TCF12: variants seen among roughly 807,000 people sequenced by gnomAD.
The protein encoded by TCF12 is DNA-binding protein HTF4.
A neutral mutation model predicts 86.0 loss-of-function variants in TCF12; 45 were observed. The observed-to-expected ratio is 0.52, with a 90% confidence interval of 0.41 to 0.67. The LOEUF (loss-of-function observed/expected upper bound fraction) is 0.67, where lower values mean the gene tolerates loss of function less well. Ranked by LOEUF, TCF12 falls within the 30% of genes least tolerant of loss-of-function variation. TCF12 has a pLI of 0.00. For synonymous variants in TCF12, 330 were observed against 299.6 expected (o/e 1.10, Z -1.05); for missense variants, 881 against 859.9 (o/e 1.02, Z -0.31).
chr15:57,012,997 G>T lies in TCF12; in HGVS notation c.149-50753G>T, dbSNP rs563562730. ...AAGTCTCTAAGAGTTAGTACTTTTAGAAATTGTTTTGGGATCATTATATGT... is the reference window on the plus strand; with the variant it reads ...AAGTCTCTAAGAGTTAGTACTTTTATAAATTGTTTTGGGATCATTATATGT... On this transcript the variant is annotated intron_variant, in intron 3 of 20. Transcript: ENST00000333725. Among the ~76,000 whole-genome samples the T allele has an allele frequency of 7.2e-5, 11 of 151,932 alleles. No individual in the cohort carries two copies. The South Asian group carries it at 2.1e-3, about 29-fold the overall frequency.
At chr15:56,961,154 T>G (rs1428816074) in intron 3 of TCF12, among the ~76,000 whole-genome samples, 11 of 151,470 alleles carry the variant, frequency 7.3e-5, no homozygotes, top group Non-Finnish European at 1.5e-4. Context: ...AATCAGTTCA[T>G]TAAATAAGTA....
At position 57,286,793 on chromosome 15, in the gene TCF12, TTTTGA is replaced by T. The variant is rs1445833594; in HGVS notation, c.*652_*656del. ...GTATAGCATTTCTCTTGCTCTCATT[TTTTGA>T]TTTATTTTTATTTTCTCTTTGTGGG... On this transcript the variant is annotated 3_prime_UTR_variant, in exon 21 of 21. Coordinates refer to ENST00000333725, the MANE Select transcript of TCF12 (RefSeq NM_207037.2). The T allele has an allele frequency of 2.6e-6, 1 of 380,898 alleles. No homozygotes were observed. Among genetic ancestry groups the T allele is most frequent in the Non-Finnish European group, 5.1e-6 (1 of 194,898 alleles). 23.6% of individuals were successfully genotyped at this position (380,898 alleles called of 1,614,324 possible).
chr15:57,085,057 C>G (rs2048537030), intron 4 of TCF12, among the ~76,000 whole-genome samples: 1 of 152,018 alleles, frequency 6.6e-6, no homozygotes, highest in Non-Finnish European at 1.5e-5. Context: ...TTTGATTCTC[C>G]TCTTCCTCCT....
At chr15:57,060,367 CTTAA>C (rs1210160222) in intron 3 of TCF12, among the ~76,000 whole-genome samples, 1 of 152,116 alleles carries the variant, frequency 6.6e-6, no homozygotes, top group Non-Finnish European at 1.5e-5. Context: ...TTACATTTGA[CTTAA>C]TTGATTCCAT....
chr15:57,279,964 G>C (rs2061609087), intron 19 of TCF12, among the ~76,000 whole-genome samples: 2 of 144,394 alleles, frequency 1.4e-5, no homozygotes, highest in Non-Finnish European at 3.0e-5. Flanking sequence ...CGCGATTTCG[G>C]CTCACTGCAG....
At chr15:56,920,192 G>C (rs2140159537) in intron 2 of TCF12, among the ~76,000 whole-genome samples, 3 of 152,230 alleles carry the variant, frequency 2.0e-5, no homozygotes, top group Middle Eastern at 6.8e-3. Context: ...GTAATGTCTA[G>C]ACTTGCACAT....
At chr15:56,952,737 C>G (rs1436362260) in intron 3 of TCF12, among the ~76,000 whole-genome samples, 1 of 152,128 alleles carries the variant, frequency 6.6e-6, no homozygotes, top group Admixed American at 6.5e-5. Flanking sequence ...GCAGACTAAA[C>G]TCACTAATTC....
At chr15:57,169,683 A>C (rs2055167847) in intron 6 of TCF12, among the ~76,000 whole-genome samples, 1 of 148,858 alleles carries the variant, frequency 6.7e-6, no homozygotes, top group African/African-American at 2.6e-5. Flanking sequence ...ATTACTGCTA[A>C]ACTTGAGGGG....
intron 13 of TCF12, among the ~76,000 whole-genome samples, chr15:57,248,747 A>G (rs1257177008): frequency 6.6e-6 from 1 of 152,202 alleles, no homozygotes; most frequent in Non-Finnish European, 1.5e-5. Flanking sequence ...AAGTGTATGT[A>G]TATTTTTTTC....
Position 57,096,157 on chromosome 15 carries a change from A to G in TCF12, c.325+4266A>G, listed in dbSNP as rs148349515. Reference sequence around the variant, plus strand: ...ACTGATCTTGATGGATGACCGTGGAAAAACGGTTCCACAGTGAAATAACTT... The same window carrying G: ...ACTGATCTTGATGGATGACCGTGGAGAAACGGTTCCACAGTGAAATAACTT... On this transcript the variant is annotated intron_variant, in intron 5 of 20. Coordinates refer to ENST00000333725, the MANE Select transcript of TCF12 (RefSeq NM_207037.2). Among the ~76,000 whole-genome samples the G allele has an allele frequency of 1.3e-3, 192 of 152,314 alleles. 1 individual carries two copies. The highest frequency in any genetic ancestry group is 4.1e-3 in the African/African-American group (172 of 41,576).
intron 3 of TCF12, among the ~76,000 whole-genome samples, chr15:56,984,250 GT>G (rs1222258498): frequency 9.3e-3 from 6 of 642 alleles, no homozygotes; most frequent in Admixed American, 0.058. Context: ...CATGTGCATG[GT>G]GTGTGTGTGT....
chr15:57,010,558 T>G (rs2064765384), intron 3 of TCF12, among the ~76,000 whole-genome samples: 1 of 152,188 alleles, frequency 6.6e-6, no homozygotes, highest in Admixed American at 6.5e-5. Context: ...ATTTTTTGAC[T>G]CTTAGGTGGT....
chr15:57,062,392 T>G (rs1180667161), intron 3 of TCF12, among the ~76,000 whole-genome samples: 2 of 152,114 alleles, frequency 1.3e-5, no homozygotes. Flanking sequence ...CTGGTTCACT[T>G]GAAATTGTGC....
chr15:56,939,967 G>GTTTTTTTTT (rs67832685), intron 3 of TCF12, among the ~76,000 whole-genome samples: 2 of 104,718 alleles, frequency 1.9e-5, no homozygotes, highest in East Asian at 6.2e-4. Context: ...TTAATAGCGT[G>GTTTTTTTTT]TTTTTTTTTT....
At chr15:57,082,325 A>G (rs1321048724) in intron 4 of TCF12, among the ~76,000 whole-genome samples, 1 of 152,258 alleles carries the variant, frequency 6.6e-6, no homozygotes, top group Non-Finnish European at 1.5e-5. Context: ...AACACTGGCT[A>G]TCAAGATAGG....
intron 3 of TCF12, among the ~76,000 whole-genome samples, chr15:57,058,761 G>C (rs1216832049): frequency 6.6e-6 from 1 of 152,006 alleles, no homozygotes; most frequent in Non-Finnish European, 1.5e-5. Flanking sequence ...CTAATGTGTA[G>C]CATAACAAAG....
In TCF12 at chr15:57,289,463, A is replaced by C. The variant is rs2062033530; in HGVS notation, c.*3318A>C. On this transcript the variant is annotated 3_prime_UTR_variant, in exon 21 of 21. Coordinates refer to ENST00000333725, the MANE Select transcript of TCF12 (RefSeq NM_207037.2). The stretch of plus-strand genomic sequence containing the variant: ...TTCCCTACAAAACCTCCCTGCCTTG[A>C]CTTTCTCTTTCTCTTTGCAGATTTC... 1 of 152,080 alleles carries C rather than the reference A, an allele frequency of 6.6e-6. No individual in the cohort carries two copies. The highest frequency in any genetic ancestry group is 1.5e-5 in the Non-Finnish European group (1 of 68,020). The allele number at this position is 152,080 out of a possible 1,614,324, so 9.4% of individuals were successfully genotyped here.
At chr15:57,255,236 A>G (rs2152028644) in intron 16 of TCF12, among the ~76,000 whole-genome samples, 2 of 152,138 alleles carry the variant, frequency 1.3e-5, no homozygotes, top group South Asian at 2.1e-4. Flanking sequence ...GTCTTGAGAA[A>G]GTTGTTTTTT....
At chr15:57,256,357 C>T (rs1425294763) in intron 16 of TCF12, among the ~76,000 whole-genome samples, 1 of 152,072 alleles carries the variant, frequency 6.6e-6, no homozygotes, top group African/African-American at 2.4e-5. Context: ...TGCTCAGCAC[C>T]CACCTATATG....
Sources: allele counts gnomAD v4.1 joint callset (sites outside exome capture counted in the v4.1 genomes callset), GRCh38; gene constraint gnomAD v4.1.1; transcripts MANE v1.5; gene names NCBI Gene and HGNC (gene_info 2026-07-23, HGNC 2026-07-21).